The following GULP1 variants were observed in gnomAD, a reference collection of about 807,000 sequenced individuals.
GULP1 encodes the protein GULP PTB domain containing engulfment adaptor 1.
GULP1 carries 19 observed loss-of-function variants against 40.9 expected under a neutral mutation model. The ratio of observed to expected loss-of-function variants is 0.46; its 90% CI spans 0.32 to 0.68. The LOEUF (loss-of-function observed/expected upper bound fraction) is 0.68, where lower values mean the gene tolerates loss of function less well. Ranked by LOEUF, GULP1 falls within the 30% of genes least tolerant of loss-of-function variation. The probability of loss-of-function intolerance (pLI) is 0.03; values close to 1 mark genes in which losing one functional copy is unlikely to be tolerated. For synonymous variants in GULP1, 119 were observed against 117.6 expected (o/e 1.01, Z -0.08); for missense variants, 312 against 362.2 (o/e 0.86, Z 1.12).
intron 2 of GULP1, among the ~76,000 whole-genome samples, chr2:188,471,712 T>A (rs2060607110): frequency 6.6e-6 from 1 of 152,222 alleles, no homozygotes; most frequent in African/African-American, 2.4e-5. Context: ...TTATTTCCAT[T>A]TATATCTTAT....
At chr2:188,358,350 A>G (rs1378679517) in intron 1 of GULP1, among the ~76,000 whole-genome samples, 1 of 152,190 alleles carries the variant, frequency 6.6e-6, no homozygotes, top group Non-Finnish European at 1.5e-5. Flanking sequence ...TAGATGGGAT[A>G]GGATAGGGAG....
In GULP1 at chr2:188,584,308, A is replaced by G. The variant is rs1701929678; in HGVS notation, c.653A>G (p.Asp218Gly). Reference protein sequence around the residue: ...TPKSPSTDIFDMIPFSPISHQ... With the variant: ...TPKSPSTDIFGMIPFSPISHQ... ...AAGTCGCCCTCCACTGACATCTTTG[A>G]TATGATTCCATTTTCTCCAATATCA... Residue 218 changes from aspartate to glycine, a missense_variant, in exon 10 of 12, where the codon GAT (aspartate) becomes GGT (glycine). Physicochemically the swap from Asp to Gly is moderately conservative, Grantham distance 94 (BLOSUM62 -1). Transcript: ENST00000409830. 6.2e-7 allele frequency: 1 copy of G among 1,608,686 alleles called. No homozygotes were observed. Among genetic ancestry groups the G allele is most frequent in the Non-Finnish European group, 8.5e-7 (1 of 1,175,298 alleles).
intron 1 of GULP1, among the ~76,000 whole-genome samples, chr2:188,344,937 T>C (rs2043431266): frequency 6.6e-6 from 1 of 152,224 alleles, no homozygotes; most frequent in Non-Finnish European, 1.5e-5. Context: ...TGTCTTGCAA[T>C]GTACTTTTTT....
chr2:188,373,352 A>G (rs1025736518), intron 1 of GULP1, among the ~76,000 whole-genome samples: 1 of 151,934 alleles, frequency 6.6e-6, no homozygotes, highest in African/African-American at 2.4e-5. Context: ...AATAGTTGAT[A>G]TTTAGAGATA....
At chr2:188,488,006 C>G (rs1174755148) in intron 4 of GULP1, among the ~76,000 whole-genome samples, 2 of 152,018 alleles carry the variant, frequency 1.3e-5, no homozygotes, top group Non-Finnish European at 2.9e-5. Context: ...CCCCTCCACA[C>G]ACAAAATATG....
chr2:188,580,276 G>C (rs1369171817), intron 9 of GULP1, among the ~76,000 whole-genome samples: 2 of 152,200 alleles, frequency 1.3e-5, no homozygotes, highest in African/African-American at 4.8e-5. Flanking sequence ...GATCAAGGCC[G>C]GGCGCGGTGG....
intron 2 of GULP1, among the ~76,000 whole-genome samples, chr2:188,393,389 T>G (rs2152561571): frequency 6.6e-6 from 1 of 152,248 alleles, no homozygotes; most frequent in African/African-American, 2.4e-5. Flanking sequence ...TAAGAATAAC[T>G]ACTCCTGCTT....
chr2:188,470,358 A>G (rs913458240), intron 2 of GULP1, among the ~76,000 whole-genome samples: 1 of 152,152 alleles, frequency 6.6e-6, no homozygotes, highest in Non-Finnish European at 1.5e-5. Flanking sequence ...TGCTCATAGT[A>G]GCCACTAATG....
chr2:188,499,880 T>G (rs907253063), intron 4 of GULP1, among the ~76,000 whole-genome samples: 1 of 151,832 alleles, frequency 6.6e-6, no homozygotes, highest in Admixed American at 6.6e-5. Context: ...GAAGTATATA[T>G]GAAAGAGAAA....
chr2:188,415,817 A>G (rs2054504911), intron 2 of GULP1, among the ~76,000 whole-genome samples: 1 of 152,188 alleles, frequency 6.6e-6, no homozygotes, highest in South Asian at 2.1e-4. Context: ...TACTTTCATT[A>G]TTTCAAAATA....
intron 6 of GULP1, among the ~76,000 whole-genome samples, chr2:188,530,122 C>T (rs1363613635): frequency 6.6e-6 from 1 of 152,144 alleles, no homozygotes; most frequent in East Asian, 1.9e-4. Flanking sequence ...ATGTGTTATA[C>T]TTCCAAATTA....
chr2:188,509,508 A>G (rs2064285411), intron 4 of GULP1, among the ~76,000 whole-genome samples: 1 of 152,094 alleles, frequency 6.6e-6, no homozygotes, highest in Non-Finnish European at 1.5e-5. Context: ...TTTTCACTCA[A>G]AAGAACTATG....
intron 5 of GULP1, among the ~76,000 whole-genome samples, chr2:188,527,867 T>A (rs1686584453): frequency 6.6e-6 from 1 of 152,174 alleles, no homozygotes; most frequent in African/African-American, 2.4e-5. Flanking sequence ...TGTATTCACA[T>A]CTGCCCTAAA....
intron 1 of GULP1, among the ~76,000 whole-genome samples, chr2:188,333,306 T>A (rs2041867610): frequency 6.6e-6 from 1 of 151,992 alleles, no homozygotes; most frequent in Admixed American, 6.6e-5. Flanking sequence ...AAAGACAGAT[T>A]AGAAGACTAT....
chr2:188,524,898 A>C (rs999537091), intron 5 of GULP1, among the ~76,000 whole-genome samples: 3 of 151,740 alleles, frequency 2.0e-5, no homozygotes, highest in Non-Finnish European at 4.4e-5. Context: ...CATTTTATTT[A>C]TATTTACTCC....
At chr2:188,565,067 A>T (rs1236574661) in intron 7 of GULP1, among the ~76,000 whole-genome samples, 1 of 151,984 alleles carries the variant, frequency 6.6e-6, no homozygotes, top group Non-Finnish European at 1.5e-5. Flanking sequence ...ATAGACATAA[A>T]AGTAGAAGCT....
chr2:188,580,511 C>T (rs1701066109), intron 9 of GULP1, among the ~76,000 whole-genome samples: 1 of 149,414 alleles, frequency 6.7e-6, no homozygotes, highest in Admixed American at 6.7e-5. Context: ...CGAGATCCCG[C>T]CACTGCACTC....
At chr2:188,552,830 T>C (rs991173179) in intron 7 of GULP1, among the ~76,000 whole-genome samples, 1 of 150,964 alleles carries the variant, frequency 6.6e-6, no homozygotes, top group Non-Finnish European at 1.5e-5. Context: ...AGAGAACTTT[T>C]ACCTCCTTGG....
At chr2:188,468,317 G>T (rs1290806105) in intron 2 of GULP1, among the ~76,000 whole-genome samples, 3 of 152,046 alleles carry the variant, frequency 2.0e-5, no homozygotes, top group African/African-American at 4.8e-5. Context: ...CAGATGACTG[G>T]ATAACCTTAG....
Sources: allele counts gnomAD v4.1 joint callset (sites outside exome capture counted in the v4.1 genomes callset), GRCh38; gene constraint gnomAD v4.1.1; transcripts MANE v1.5; gene names NCBI Gene and HGNC (gene_info 2026-07-23, HGNC 2026-07-21).